UTP25: variants seen among roughly 807,000 people sequenced by gnomAD.
The protein encoded by UTP25 is UTP25 small subunit processome component, also known as U3 small nucleolar RNA-associated protein 25 homolog.
UTP25 carries 50 observed loss-of-function variants against 78.9 expected under a neutral mutation model. That is an observed-to-expected ratio of 0.63 (90% CI 0.50 to 0.80). The LOEUF (loss-of-function observed/expected upper bound fraction) is 0.80, where lower values mean the gene tolerates loss of function less well. UTP25 is among the 30% of genes least tolerant of loss of function. The pLI, the probability that UTP25 is intolerant of heterozygous loss-of-function variation, is 0.00. For synonymous variants in UTP25, 329 were observed against 336.5 expected, an observed-to-expected ratio of 0.98 and a Z score of 0.24; for missense variants, 846 against 911.3, an observed-to-expected ratio of 0.93 and a Z score of 0.92.
intron 3 of UTP25, among the ~76,000 whole-genome samples, chr1:209,832,744 C>T (rs2078110255): frequency 1.3e-5 from 2 of 152,142 alleles, no homozygotes; most frequent in African/African-American, 4.8e-5. Flanking sequence ...ATTAGCCAGG[C>T]ATGGTGGTGC....
At chr1:209,846,812 C>T (rs924262161) in intron 11 of UTP25, among the ~76,000 whole-genome samples, 1 of 152,160 alleles carries the variant, frequency 6.6e-6, no homozygotes, top group African/African-American at 2.4e-5. Flanking sequence ...ATTGTGGTTG[C>T]ATTGGGACTG....
rs1468817507 is a variant in UTP25, at chr1:209,828,266, C to T, written c.107+96C>T. 7 of 922,584 alleles carry T rather than the reference C, an allele frequency of 7.6e-6. No individual in the cohort carries two copies. In the Admixed American group the frequency reaches 1.8e-4, roughly 24 times the overall value. The allele number at this position is 922,584 out of a possible 1,614,324, so 57.1% of individuals were successfully genotyped here. A position where few individuals can be genotyped will look rare whatever the true frequency, so the allele number is the denominator to read the frequency against. On this transcript the variant is annotated intron_variant, in intron 1 of 11. Coordinates refer to ENST00000491415, the MANE Select transcript of UTP25 (RefSeq NM_014388.7). ...AGATAGTGCTGCTCCGGCCTTTTCC[C>T]ACTATTCCCTGGCTCCCGCTGTGCT... is the stretch of plus-strand genomic sequence containing the variant.
intron 1 of UTP25, among the ~76,000 whole-genome samples, chr1:209,828,522 C>T (rs1408578586): frequency 6.6e-6 from 1 of 150,764 alleles, no homozygotes; most frequent in Non-Finnish European, 1.5e-5. Flanking sequence ...CCTGCCTCAG[C>T]CTCCCGTGTA....
intron 1 of UTP25, 108 bp from the exon 2 acceptor site, chr1:209,830,000 T>C (rs1571998569): frequency 1.1e-6 from 1 of 948,858 alleles, no homozygotes; most frequent in African/African-American, 1.7e-5. Flanking sequence ...ATATCTAAAA[T>C]GTATTTATAA....
At chr1:209,834,343 A>G (rs1226840033) in intron 4 of UTP25, among the ~76,000 whole-genome samples, 2 of 152,186 alleles carry the variant, frequency 1.3e-5, no homozygotes, top group Non-Finnish European at 2.9e-5. Context: ...GTTTCTTATG[A>G]GTGGGACTGG....
Position 209,843,534 on chromosome 1 carries a change from T to C in UTP25, c.1865T>C (p.Phe622Ser). The change falls in exon 11 of 12, where the codon TTT becomes TCT. Residue 622 changes from phenylalanine to serine, a missense_variant. By Grantham distance (155) the Phe-to-Ser change is radical. Coordinates refer to ENST00000491415, the MANE Select transcript of UTP25 (RefSeq NM_014388.7). The part of the protein sequence containing the change: ...SHTLIYIPSY[F>S]DFVRLRNYFK... ...ACGCTCATCTATATCCCCTCCTACT[T>C]TGACTTCGTGCGTCTTCGAAATTAC... The C allele has an allele frequency of 1.2e-6, 2 of 1,614,196 alleles. No individual in the cohort carries two copies. Among genetic ancestry groups the C allele is most frequent in the Non-Finnish European group, 1.7e-6 (2 of 1,180,012 alleles).
chr1:209,835,628 C>T (rs1256558550), intron 5 of UTP25, among the ~76,000 whole-genome samples: 1 of 151,822 alleles, frequency 6.6e-6, no homozygotes, highest in Non-Finnish European at 1.5e-5. Flanking sequence ...ATAAATTATC[C>T]AGATATTGGG....
At chr1:209,848,790 C>CT (rs1489981904) in intron 11 of UTP25, among the ~76,000 whole-genome samples, 1 of 152,144 alleles carries the variant, frequency 6.6e-6, no homozygotes, top group Non-Finnish European at 1.5e-5. Context: ...TCTTTTCTTG[C>CT]TTTTTTGTGT....
At chr1:209,833,838 A>G in intron 4 of UTP25, among the ~76,000 whole-genome samples, 1 of 151,584 alleles carries the variant, frequency 6.6e-6, no homozygotes, top group East Asian at 1.9e-4. Context: ...ACTCTTGACC[A>G]CTCCTGTGAC....
chr1:209,830,884 G>C lies in UTP25; in HGVS notation c.229G>C (p.Ala77Pro), dbSNP rs146534364. The change falls in exon 3 of 12, where the codon GCT (alanine) becomes CCT (proline). Residue 77 changes from alanine (A) to proline (P), a missense_variant. Physicochemically the swap from Ala to Pro is conservative, Grantham distance 27. Coordinates refer to ENST00000491415, the MANE Select transcript of UTP25 (RefSeq NM_014388.7). ...QQVSGYHRLLATLKNVSEEEE... is the reference protein window; with the variant it reads ...QQVSGYHRLLPTLKNVSEEEE... Reference sequence around the variant, plus strand: ...AGTTTCTGGCTACCACAGACTACTTGCTACATTAAAGAATGTTTCTGAGGA... The same window carrying C: ...AGTTTCTGGCTACCACAGACTACTTCCTACATTAAAGAATGTTTCTGAGGA... The C allele has an allele frequency of 3.4e-5, 55 of 1,614,098 alleles. No individual in the cohort carries two copies. Among genetic ancestry groups the C allele is most frequent in the East Asian group, 4.5e-5 (2 of 44,880 alleles).
intron 1 of UTP25, 44 bp downstream of exon 1, chr1:209,828,214 T>C (rs773760978): frequency 6.7e-7 from 1 of 1,487,652 alleles, no homozygotes; most frequent in Non-Finnish European, 9.4e-7. Flanking sequence ...CAGAGATGTA[T>C]CCTCGAGTTT....
Position 209,851,586 on chromosome 1 carries a change from T to G in UTP25, c.*139T>G. On this transcript the variant is annotated 3_prime_UTR_variant, in exon 12 of 12. Coordinates refer to ENST00000491415, the MANE Select transcript of UTP25 (RefSeq NM_014388.7). ...GAGGCAATGTCAGTATTATCTGACATCTTTCTTTTCAGGTCATGTGTCCCT... is the reference window on the plus strand; with the variant it reads ...GAGGCAATGTCAGTATTATCTGACAGCTTTCTTTTCAGGTCATGTGTCCCT... 2.6e-6 allele frequency: 3 copies of G among 1,149,020 alleles called. No homozygotes were observed. The allele number at this position is 1,149,020 out of a possible 1,614,324, so 71.2% of individuals were successfully genotyped here. A position where few individuals can be genotyped will look rare whatever the true frequency, so the allele number is the denominator to read the frequency against.
At chr1:209,841,726 A>T (rs1163290157) in intron 8 of UTP25, among the ~76,000 whole-genome samples, 2 of 152,220 alleles carry the variant, frequency 1.3e-5, no homozygotes, top group Non-Finnish European at 2.9e-5. Context: ...GGACAAATGA[A>T]GGGTAGAACT....
chr1:209,835,901 A>T (rs1176743168), intron 5 of UTP25, among the ~76,000 whole-genome samples: 1 of 152,198 alleles, frequency 6.6e-6, no homozygotes, highest in Non-Finnish European at 1.5e-5. Context: ...GTTCAACTGC[A>T]TATGCCTGTG....
Position 209,830,089 on chromosome 1 carries a change from A to T in UTP25, c.108-19A>T. The T allele has an allele frequency of 6.2e-7, 1 of 1,611,226 alleles. No individual in the cohort carries two copies. Among genetic ancestry groups the T allele is most frequent in the Non-Finnish European group, 8.5e-7 (1 of 1,178,274 alleles). ...TACATACTAGTAGTTAGAATGTAAC[A>T]TTGCCTGTTTCTTTTTAGGGTTTCC... On this transcript the variant is annotated intron_variant, in intron 1 of 11. Coordinates refer to ENST00000491415, the MANE Select transcript of UTP25 (RefSeq NM_014388.7).
chr1:209,845,569 G>C (rs2078192527), intron 11 of UTP25, among the ~76,000 whole-genome samples: 1 of 152,170 alleles, frequency 6.6e-6, no homozygotes, highest in Non-Finnish European at 1.5e-5. Flanking sequence ...GTATTACACT[G>C]TCTATTTACC....
chr1:209,851,420 C>T lies in UTP25; in HGVS notation c.2244C>T (p.Val748=). 1 of 1,611,108 alleles carries T rather than the reference C, an allele frequency of 6.2e-7. No individual in the cohort carries two copies. The highest frequency in any genetic ancestry group is 2.2e-5 in the East Asian group (1 of 44,850). ...AGATGCTACAGTCCAACAAGAATGTCCACCTCTTCATTACTGGAGAAAAAT... is the reference window on the plus strand; with the variant it reads ...AGATGCTACAGTCCAACAAGAATGTTCACCTCTTCATTACTGGAGAAAAAT... ...AAQMLQSNKN[V]HLFITGEK is the part of the protein sequence containing the mutation. Residue 748 remains valine (V), a synonymous_variant, in exon 12 of 12, where the codon GTC becomes GTT. Transcript: ENST00000491415.
At chr1:209,831,463 G>A (rs2078103097) in intron 3 of UTP25, among the ~76,000 whole-genome samples, 1 of 152,198 alleles carries the variant, frequency 6.6e-6, no homozygotes, top group Non-Finnish European at 1.5e-5. Context: ...TAGATGTAAG[G>A]TGTTGAAGAG....
At chr1:209,846,814 T>C (rs1349193223) in intron 11 of UTP25, among the ~76,000 whole-genome samples, 3 of 152,338 alleles carry the variant, frequency 2.0e-5, no homozygotes, top group Admixed American at 1.3e-4. Context: ...TGTGGTTGCA[T>C]TGGGACTGAG....
Sources: gnomAD v4.1 joint callset for allele counts (sites outside exome capture counted in the v4.1 genomes callset) on GRCh38, gnomAD v4.1.1 for gene constraint, MANE v1.5 for transcripts, NCBI Gene and HGNC (gene_info 2026-07-23, HGNC 2026-07-21) for gene names.